Variants in JADE1 observed in about 807,000 individuals in gnomAD.
JADE1 encodes the protein jade family PHD finger 1, also known as protein Jade-1.
JADE1 carries 14 observed loss-of-function variants against 81.8 expected under a neutral mutation model. The ratio of observed to expected loss-of-function variants is 0.17; its 90% CI spans 0.11 to 0.27. The LOEUF is 0.27. JADE1 is among the 10% of genes least tolerant of loss of function. The pLI, the probability that JADE1 is intolerant of heterozygous loss-of-function variation, is 1.00. For missense variants in JADE1, 690 were observed against 1,047.9 expected, an observed-to-expected ratio of 0.66 and a Z score of 4.71; for synonymous variants, 353 against 391.9, an observed-to-expected ratio of 0.90 and a Z score of 1.17.
At chr4:128,847,555 A>G (rs1579185106) in intron 4 of JADE1, among the ~76,000 whole-genome samples, 1 of 152,176 alleles carries the variant, frequency 6.6e-6, no homozygotes. Context: ...CAGACCAGGT[A>G]TCTGCCTCAG....
chr4:128,852,363 A>G, intron 6 of JADE1, 95 bp downstream of exon 6: 1 of 955,076 alleles, frequency 1.0e-6, no homozygotes, highest in East Asian at 2.4e-5. Context: ...CTTCCTCCGA[A>G]TGGGGTCTGT....
chr4:128,815,119 G>T (rs1369309362), intron 1 of JADE1, among the ~76,000 whole-genome samples: 1 of 147,894 alleles, frequency 6.8e-6, no homozygotes, highest in African/African-American at 2.6e-5. Context: ...GTGCGATCTC[G>T]GCTCCCTGTA....
At position 128,872,420 on chromosome 4, in the gene JADE1, C is replaced by A. The variant is rs1471881440; in HGVS notation, c.*158C>A. 1.2e-5 allele frequency: 8 copies of A among 651,098 alleles called. No homozygotes were observed. Among genetic ancestry groups the A allele is most frequent in the Non-Finnish European group, 2.0e-5 (8 of 391,030 alleles). The allele number at this position is 651,098 out of a possible 1,614,324, so 40.3% of individuals were successfully genotyped here. On this transcript the variant is annotated 3_prime_UTR_variant, in exon 11 of 11. Transcript: ENST00000226319. ...TTTTTTTCCAGAGTCATTTTTAAAT[C>A]ATTTTTGTGAGAAGTTTGTGTTATT...
chr4:128,862,587 T>C lies in JADE1; in HGVS notation c.1503+362T>C, dbSNP rs1731432480. ...ACCCAAGGAGTTGACTCAGGATGGT[T>C]TACAGACTGATTTAGAAAACCAGAA... On this transcript the variant is annotated intron_variant, in intron 9 of 10. Coordinates refer to ENST00000226319, the MANE Select transcript of JADE1 (RefSeq NM_199320.4). The C allele has an allele frequency of 2.8e-6, 3 of 1,076,352 alleles. No individual in the cohort carries two copies. The South Asian group carries it at 9.7e-5, about 35-fold the overall frequency. 66.7% of individuals were successfully genotyped at this position (1,076,352 alleles called of 1,614,324 possible).
intron 1 of JADE1, chr4:128,811,767 T>TCCGG (rs1726417562): frequency 6.7e-6 from 1 of 148,790 alleles, no homozygotes; most frequent in African/African-American, 2.5e-5. Flanking sequence ...CCGCGCCGGT[T>TCCGG]CCGGCGGGCG....
At chr4:128,847,473 G>C in intron 4 of JADE1, among the ~76,000 whole-genome samples, 1 of 152,190 alleles carries the variant, frequency 6.6e-6, no homozygotes, top group East Asian at 1.9e-4. Flanking sequence ...TGACCAGTCA[G>C]GAGTGCCAGG....
At chr4:128,842,197 G>A (rs751236351) in intron 2 of JADE1, among the ~76,000 whole-genome samples, 7 of 152,156 alleles carry the variant, frequency 4.6e-5, no homozygotes, top group Non-Finnish European at 8.8e-5. Flanking sequence ...TCCCTGTCTA[G>A]GGATTGCTAA....
chr4:128,815,959 T>G (rs763796639), intron 1 of JADE1, among the ~76,000 whole-genome samples: 11 of 152,164 alleles, frequency 7.2e-5, no homozygotes, highest in Non-Finnish European at 1.6e-4. Context: ...ACGTTTAAAC[T>G]TATTTCCTCC....
At position 128,820,959 on chromosome 4, in the gene JADE1, A is replaced by C. The variant is rs537520483; in HGVS notation, c.-26-10774A>C. ...CATTTAGCATTTATTGGCTTACTCC[A>C]CCAAGGATGGAATAATGGGTTGTAG... is the stretch of plus-strand genomic sequence containing the variant. On this transcript the variant is annotated intron_variant, in intron 1 of 10. Coordinates refer to ENST00000226319, the MANE Select transcript of JADE1 (RefSeq NM_199320.4). Among the ~76,000 whole-genome samples, 108 of 152,174 alleles carry C rather than the reference A, an allele frequency of 7.1e-4. 1 individual carries two copies. Among genetic ancestry groups the C allele is most frequent in the Non-Finnish European group, 7.5e-4 (51 of 68,024 alleles).
In JADE1 at chr4:128,871,334, T is replaced by C; in HGVS notation, c.1622-21T>C. The stretch of plus-strand genomic sequence containing the variant: ...TTGCTTCTGCTGTAATTTTTCTTTA[T>C]TTGTGGTTTTATGTTTATAGGTGTG... On this transcript the variant is annotated intron_variant, in intron 10 of 10. Transcript: ENST00000226319. The surrounding 1 kb of genome is among the most constrained non-coding windows in gnomAD (Gnocchi z 4.1). 1.9e-6 allele frequency: 3 copies of C among 1,586,368 alleles called. No homozygotes were observed. Among genetic ancestry groups the C allele is most frequent in the Non-Finnish European group, 2.6e-6 (3 of 1,166,040 alleles).
intron 1 of JADE1, among the ~76,000 whole-genome samples, chr4:128,821,493 C>CTTT (rs66551703): frequency 1.7e-5 from 2 of 118,838 alleles, no homozygotes; most frequent in African/African-American, 5.8e-5. Flanking sequence ...ATGGCTTCTT[C>CTTT]TTTTTTTTTT....
At chr4:128,845,580 C>A (rs1729799075) in intron 3 of JADE1, among the ~76,000 whole-genome samples, 1 of 152,008 alleles carries the variant, frequency 6.6e-6, no homozygotes, top group African/African-American at 2.4e-5. Flanking sequence ...ACCCTGGTGC[C>A]CTGGGAGGTA....
intron 1 of JADE1, among the ~76,000 whole-genome samples, chr4:128,824,803 G>A (rs1291818942): frequency 6.6e-6 from 1 of 152,110 alleles, no homozygotes; most frequent in Non-Finnish European, 1.5e-5. Flanking sequence ...GGAAACAGTA[G>A]ATAAAACTGA....
At chr4:128,830,934 G>C (rs185695262) in intron 1 of JADE1, among the ~76,000 whole-genome samples, 1 of 152,146 alleles carries the variant, frequency 6.6e-6, no homozygotes, top group African/African-American at 2.4e-5. Context: ...GGCCAGGTGC[G>C]CTGGGTCTTT....
intron 1 of JADE1, among the ~76,000 whole-genome samples, chr4:128,823,649 T>TTTTTGCTTG (rs1399228613): frequency 6.6e-6 from 1 of 152,216 alleles, no homozygotes; most frequent in East Asian, 1.9e-4. Flanking sequence ...AGAGCACATT[T>TTTTTGCTTG]TTTTGCTTGA....
At chr4:128,845,763 A>T (rs1729817152) in intron 3 of JADE1, among the ~76,000 whole-genome samples, 3 of 152,056 alleles carry the variant, frequency 2.0e-5, no homozygotes, top group Non-Finnish European at 4.4e-5. Context: ...TTTCTACTAA[A>T]AACACAAAAA....
At position 128,831,800 on chromosome 4, in the gene JADE1, C is replaced by T. The variant is rs369794897; in HGVS notation, c.42C>T (p.Asp14=). Residue 14 remains aspartate (D), a synonymous_variant, in exon 2 of 11, where the codon GAC becomes GAT. Coordinates refer to ENST00000226319, the MANE Select transcript of JADE1 (RefSeq NM_199320.4). ...TTCCCAGCAGCAGTGAGGATTCTGA[C>T]GACAATGGCAGTAAGTCCTGCTTTG... The part of the protein sequence containing the change: ...GRLPSSSEDS[D]DNGSLSTTWS... The T allele has an allele frequency of 2.5e-5, 40 of 1,613,984 alleles. No individual in the cohort carries two copies. In the East Asian group the frequency reaches 4.7e-4, roughly 19 times the overall value.
At chr4:128,864,425 A>G (rs1401780097) in intron 9 of JADE1, 15 of 984,932 alleles carry the variant, frequency 1.5e-5, no homozygotes, top group Non-Finnish European at 1.7e-5. Flanking sequence ...GGATTACGCC[A>G]CTGTACCCAG....
chr4:128,811,277 A>G (rs2125773941), intron 1 of JADE1: 1 of 152,370 alleles, frequency 6.6e-6, no homozygotes, highest in East Asian at 2.0e-4. Flanking sequence ...GGGGCTGAGG[A>G]CGCGGCTGCT....
Sources: allele counts gnomAD v4.1 joint callset (sites outside exome capture counted in the v4.1 genomes callset), GRCh38; gene constraint gnomAD v4.1.1; non-coding constraint Gnocchi (gnomAD v3.1); transcripts MANE v1.5; gene names NCBI Gene and HGNC (gene_info 2026-07-23, HGNC 2026-07-21).